Variants in PTGER3 observed in about 807,000 individuals in gnomAD.
PTGER3 encodes the protein prostaglandin E receptor 3, also known as prostaglandin E2 receptor EP3 subtype.
In PTGER3, 22 loss-of-function variants were observed where a neutral mutation model predicts 34.7. The ratio of observed to expected loss-of-function variants is 0.63; its 90% CI spans 0.45 to 0.91. The LOEUF (loss-of-function observed/expected upper bound fraction) is 0.91, where lower values mean the gene tolerates loss of function less well. PTGER3 is among the 40% of genes least tolerant of loss of function. The pLI is 0.00. For missense variants in PTGER3, 468 were observed against 519.4 expected (o/e 0.90, Z 0.96); for synonymous variants, 241 against 230.1 (o/e 1.05, Z -0.43).
At chr1:70,903,070 G>A (rs12035395) in intron 4 of PTGER3, among the ~76,000 whole-genome samples, 7,223 of 152,212 alleles carry the variant, frequency 0.047, 555 homozygotes, top group South Asian at 0.22. Context: ...CATAAAGAAA[G>A]CAGCAGGAGA....
At chr1:70,959,500 A>G (rs1457929606) in intron 2 of PTGER3, among the ~76,000 whole-genome samples, 1 of 152,038 alleles carries the variant, frequency 6.6e-6, no homozygotes, top group African/African-American at 2.4e-5. Flanking sequence ...AGCTAGGATT[A>G]CAGGCAACTG....
chr1:70,973,676 T>C lies in PTGER3; in HGVS notation c.1169+621A>G, dbSNP rs112021005. On this transcript the variant is annotated intron_variant, in intron 3 of 3. Transcript: ENST00000306666. ...GTTATCTCTGAAAAAATAAACCTTTTCACAGTCCTTCTTAAAAAGAAAAAA... is the reference window on the plus strand; with the variant it reads ...GTTATCTCTGAAAAAATAAACCTTTCCACAGTCCTTCTTAAAAAGAAAAAA... Among the ~76,000 whole-genome samples the C allele has an allele frequency of 2.1e-4, 32 of 152,270 alleles. 1 individual carries two copies. The highest frequency in any genetic ancestry group is 6.5e-4 in the African/African-American group (27 of 41,542).
intron 2 of PTGER3, among the ~76,000 whole-genome samples, chr1:70,982,188 C>T (rs1230519816): frequency 6.6e-6 from 1 of 152,126 alleles, no homozygotes; most frequent in African/African-American, 2.4e-5. Flanking sequence ...ACTTCTGATA[C>T]CAGGTTAAGA....
intron 2 of PTGER3, among the ~76,000 whole-genome samples, chr1:70,958,301 T>C (rs1651569127): frequency 6.6e-6 from 1 of 152,224 alleles, no homozygotes; most frequent in African/African-American, 2.4e-5. Context: ...CTGTATTACC[T>C]TATATTTCCA....
chr1:70,943,983 G>T (rs1056783540), intron 4 of PTGER3, among the ~76,000 whole-genome samples: 1 of 151,688 alleles, frequency 6.6e-6, no homozygotes, highest in Non-Finnish European at 1.5e-5. Context: ...ATTTCATTTG[G>T]TTTAATCTGG....
chr1:70,852,590 C>T (rs147847047), exon 5 of PTGER3: 69 of 544,090 alleles, frequency 1.3e-4, no homozygotes, highest in African/African-American at 9.4e-4. Flanking sequence ...ATAATGTATA[C>T]GCAAATATAA....
At chr1:70,962,295 A>C (rs1395965744) in intron 2 of PTGER3, among the ~76,000 whole-genome samples, 1 of 152,186 alleles carries the variant, frequency 6.6e-6, no homozygotes, top group Non-Finnish European at 1.5e-5. Context: ...ATTGTGTTTA[A>C]ATTCTACCAA....
Position 71,020,294 on chromosome 1 carries a change from G to A in PTGER3, c.898-7810C>T, listed in dbSNP as rs146376342. Among the ~76,000 whole-genome samples, 942 of 152,020 alleles carry A rather than the reference G, an allele frequency of 6.2e-3. 36 individuals carry two copies. Among genetic ancestry groups the A allele is most frequent in the Admixed American group, 0.052 (798 of 15,256 alleles). ...AAATTAGTAGAATTTGTGCCATTTC[G>A]TCATTACTACTACGTAATTTTATAA... On this transcript the variant is annotated intron_variant, in intron 1 of 3. Coordinates refer to ENST00000306666, the MANE Select transcript of PTGER3 (RefSeq NM_198719.2).
chr1:70,908,420 C>T (rs1486485635), intron 4 of PTGER3, among the ~76,000 whole-genome samples: 3 of 152,130 alleles, frequency 2.0e-5, no homozygotes, highest in African/African-American at 7.2e-5. Context: ...GTACTGATAC[C>T]TCAGCTCCTT....
rs1458138720 is a variant in PTGER3 at position 71,046,942 on chromosome 1, G to A, written c.636C>T (p.Thr212=). ...QWPGTWCFIS[T]GRGGNGTSSS... ...AGCTAGTCCCGTTGCCCCCTCGCCC[G>A]GTGCTGATGAAGCACCACGTCCCGG... The change falls in exon 1 of 4, where the codon ACC becomes ACT. Residue 212 remains threonine (T), a synonymous_variant. Transcript: ENST00000306666. 6.2e-7 allele frequency: 1 copy of A among 1,607,788 alleles called. No individual in the cohort carries two copies. The highest frequency in any genetic ancestry group is 8.5e-7 in the Non-Finnish European group (1 of 1,177,256).
At chr1:70,897,840 T>C (rs532188637) in intron 4 of PTGER3, among the ~76,000 whole-genome samples, 12 of 152,338 alleles carry the variant, frequency 7.9e-5, no homozygotes, top group Non-Finnish European at 1.3e-4. Flanking sequence ...GACTTCAACA[T>C]GTTTTTGTTT....
At chr1:70,866,736 A>G (rs774466219) in intron 4 of PTGER3, among the ~76,000 whole-genome samples, 1 of 152,194 alleles carries the variant, frequency 6.6e-6, no homozygotes, top group Non-Finnish European at 1.5e-5. Context: ...TGGCGGCTCT[A>G]TCAGGCTGAG....
Position 71,016,349 on chromosome 1 carries a change from T to C in PTGER3, c.898-3865A>G, listed in dbSNP as rs12407771. ...GCTTAATAAAACAATAATTCACAAA[T>C]AGTATATATAAGTATTAAGTGAAAA... On this transcript the variant is annotated intron_variant, in intron 1 of 3. Coordinates refer to ENST00000306666, the MANE Select transcript of PTGER3 (RefSeq NM_198719.2). Among the ~76,000 whole-genome samples the C allele has an allele frequency of 6.2e-3, 937 of 152,248 alleles. 37 individuals are homozygous for C. Among genetic ancestry groups the C allele is most frequent in the Admixed American group, 0.053 (803 of 15,284 alleles).
chr1:70,920,238 G>A (rs1222594044), intron 4 of PTGER3, among the ~76,000 whole-genome samples: 1 of 152,172 alleles, frequency 6.6e-6, no homozygotes, highest in Non-Finnish European at 1.5e-5. Context: ...AAAGAAACTT[G>A]AGGTTGGAGA....
intron 2 of PTGER3, among the ~76,000 whole-genome samples, chr1:70,983,296 A>T (rs1654574272): frequency 6.6e-6 from 1 of 152,002 alleles, no homozygotes; most frequent in South Asian, 2.1e-4. Context: ...AAAAAAAAAC[A>T]ACGGAACTTT....
chr1:70,880,546 C>T (rs970075783), intron 4 of PTGER3, among the ~76,000 whole-genome samples: 1 of 151,536 alleles, frequency 6.6e-6, no homozygotes. Flanking sequence ...AAAAATTAGC[C>T]AGGCATGATG....
At chr1:71,037,696 G>C (rs548893052) in intron 1 of PTGER3, among the ~76,000 whole-genome samples, 1 of 152,060 alleles carries the variant, frequency 6.6e-6, no homozygotes. Context: ...GTCGTTAATC[G>C]TTTTATCTTA....
At chr1:70,881,044 A>T (rs1646380904) in intron 4 of PTGER3, among the ~76,000 whole-genome samples, 1 of 152,316 alleles carries the variant, frequency 6.6e-6, no homozygotes, top group South Asian at 2.1e-4. Context: ...GATGCCAATG[A>T]ATTATAGATT....
intron 4 of PTGER3, among the ~76,000 whole-genome samples, chr1:70,883,398 T>G (rs181958113): frequency 2.0e-5 from 3 of 152,346 alleles, no homozygotes; most frequent in African/African-American, 7.2e-5. Flanking sequence ...CCTTAAATAT[T>G]TAAGCACATT....
Sources: allele counts gnomAD v4.1 joint callset (sites outside exome capture counted in the v4.1 genomes callset), GRCh38; gene constraint gnomAD v4.1.1; transcripts MANE v1.5; gene names NCBI Gene and HGNC (gene_info 2026-07-23, HGNC 2026-07-21).